The following MPP4 variants were observed in gnomAD, a reference collection of about 807,000 sequenced individuals.
MPP4 encodes MAGUK p55 subfamily member 4.
Under a neutral mutation model 98.3 loss-of-function variants are expected in MPP4, and 91 were observed. The ratio of observed to expected loss-of-function variants is 0.93; its 90% confidence interval spans 0.78 to 1.10. MPP4 has a LOEUF of 1.10. Among genes scored for constraint, MPP4 ranks in the 50% least tolerant of loss-of-function variants. The probability of loss-of-function intolerance (pLI) is 0.00; values close to 1 mark genes in which losing one functional copy is unlikely to be tolerated. For missense variants in MPP4, 744 were observed against 792.9 expected (o/e 0.94, Z 0.74); for synonymous variants, 261 against 271.8 (o/e 0.96, Z 0.39).
At chr2:201,649,878 G>C (rs1298987031) in intron 19 of MPP4, among the ~76,000 whole-genome samples, 194 bp from the exon 20 acceptor site, 1 of 152,196 alleles carries the variant, frequency 6.6e-6, no homozygotes, top group Non-Finnish European at 1.5e-5. Context: ...GTTCTCCAAG[G>C]TTTGCAGACT....
intron 11 of MPP4, 198 bp downstream of exon 11, chr2:201,675,009 A>C: frequency 1.4e-6 from 1 of 699,544 alleles, no homozygotes. Flanking sequence ...CCCACTGAAT[A>C]GCCACCACCC....
At chr2:201,664,022 G>T (rs909527041) in intron 14 of MPP4, 59 bp downstream of exon 14, 1 of 1,272,820 alleles carries the variant, frequency 7.9e-7, no homozygotes, top group East Asian at 2.6e-5. Context: ...TGTATAAATT[G>T]CATCAAAATT....
At chr2:201,654,206 C>T (rs1045210492) in intron 18 of MPP4, among the ~76,000 whole-genome samples, 2 of 152,098 alleles carry the variant, frequency 1.3e-5, no homozygotes, top group African/African-American at 4.8e-5. Flanking sequence ...GAACTCCTGA[C>T]CTCAGATGAT....
rs569685942 is a variant in MPP4 at position 201,677,294 on chromosome 2, G to A, written c.930-2023C>T. 3.3e-5 allele frequency among the ~76,000 whole-genome samples: 5 copies of A among 152,260 alleles called. No individual in the cohort carries two copies. In the East Asian group the frequency reaches 5.8e-4, roughly 18 times the overall value. ...TGTTCCCTCTGGGGGAAACTCCAGCGAATGGGGCCTCTCACTGGAAAGTCA... is the reference window on the plus strand; with the variant it reads ...TGTTCCCTCTGGGGGAAACTCCAGCAAATGGGGCCTCTCACTGGAAAGTCA... On this transcript the variant is annotated intron_variant, in intron 10 of 21. Coordinates refer to ENST00000409474, the MANE Select transcript of MPP4 (RefSeq NM_033066.3).
intron 10 of MPP4, among the ~76,000 whole-genome samples, chr2:201,677,216 T>C (rs139522442): frequency 6.6e-5 from 10 of 152,296 alleles, no homozygotes; most frequent in African/African-American, 2.4e-4. Flanking sequence ...CTTTCTCCTC[T>C]GGGAGCTCCT....
At chr2:201,670,564 A>G (rs1688314021) in intron 11 of MPP4, among the ~76,000 whole-genome samples, 2 of 152,224 alleles carry the variant, frequency 1.3e-5, no homozygotes, top group South Asian at 4.1e-4. Flanking sequence ...AGGCCACATA[A>G]GCAAATTAAA....
intron 16 of MPP4, among the ~76,000 whole-genome samples, chr2:201,657,197 T>C (rs1484767859): frequency 6.6e-6 from 1 of 151,870 alleles, no homozygotes. Flanking sequence ...GTAGAAAGAG[T>C]GGAGCAGGCT....
In MPP4 at chr2:201,664,112, T is replaced by TC. The variant is rs1688099019; in HGVS notation, c.1052-12dup. On this transcript the variant is annotated splice_polypyrimidine_tract_variant and intron_variant, in intron 13 of 21. Transcript: ENST00000409474. Reference sequence around the variant, plus strand: ...CAAATGTTTCTTCATCTATGATTTTTCATGGAGGCAAAAATCAAAAATGTT... The same window carrying TC: ...CAAATGTTTCTTCATCTATGATTTTTCCATGGAGGCAAAAATCAAAAATGTT... 6.5e-7 allele frequency: 1 copy of TC among 1,537,016 alleles called. No homozygotes were observed. The highest frequency in any genetic ancestry group is 1.2e-5 in the South Asian group (1 of 82,188).
rs1402841468 is a variant in MPP4, at chr2:201,684,822, C to T, written c.574+242G>A. 2.6e-5 allele frequency among the ~76,000 whole-genome samples: 4 copies of T among 151,640 alleles called. No individual in the cohort carries two copies. The South Asian group carries it at 6.2e-4, about 24-fold the overall frequency. On this transcript the variant is annotated intron_variant, in intron 7 of 21. Transcript: ENST00000409474. ...AAAATTAGCCGGGCGTGGTGGCGGG[C>T]GCCTGTAATCCCAGCTACTTGGGAG...
chr2:201,697,107 C>T (rs761104265), intron 1 of MPP4, among the ~76,000 whole-genome samples: 19 of 152,196 alleles, frequency 1.2e-4, no homozygotes, highest in Non-Finnish European at 2.4e-4. Context: ...TGTTCTCTCT[C>T]TCCCTGCCAG....
chr2:201,656,901 A>G (rs2349729), intron 16 of MPP4, among the ~76,000 whole-genome samples: 64,851 of 152,026 alleles, frequency 0.43, 14,358 homozygotes, highest in Non-Finnish European at 0.49. Flanking sequence ...GGAGCATTTG[A>G]GGAACAGCAA....
intron 18 of MPP4, among the ~76,000 whole-genome samples, chr2:201,653,989 T>G (rs1687786913): frequency 6.6e-6 from 1 of 152,120 alleles, no homozygotes; most frequent in Admixed American, 6.5e-5. Flanking sequence ...CACTTTTTTT[T>G]TTTTCGAGTC....
rs775879802 is a variant in MPP4, at chr2:201,656,349, C to A, written c.1149G>T (p.Met383Ile). ...GGTGAGACTTCCTGCGACAAAGGCG[C>A]ATGCTGCGGCGGAAGCCAGCTAGGG... ...KFFIAGFRRS[M>I]RLCRRKSHLS... Residue 383 changes from methionine to isoleucine, a missense_variant, in exon 17 of 22, where the codon ATG (methionine) becomes ATT (isoleucine). By Grantham distance (10) the Met-to-Ile change is conservative (BLOSUM62 1). Transcript: ENST00000409474. 1.2e-5 allele frequency: 18 copies of A among 1,552,258 alleles called. No homozygotes were observed. The highest frequency in any genetic ancestry group is 1.6e-5 in the Non-Finnish European group (18 of 1,147,354).
In MPP4 at chr2:201,660,341, G is replaced by C. The variant is rs763755987; in HGVS notation, c.1078C>G (p.Leu360Val). Residue 360 changes from leucine (L) to valine (V), a missense_variant, in exon 15 of 22, where the codon CTT becomes GTT. Physicochemically the swap from Leu to Val is conservative, Grantham distance 32. Transcript: ENST00000409474. ...ADEETFESEE[L>V]SEDKEEFVGY... The stretch of plus-strand genomic sequence containing the variant: ...AAATAAAAACAATTACCTTCTGAAA[G>C]TTCCTCTGGATATTTGGGTAAGTGC... 9 of 1,613,084 alleles carry C rather than the reference G, an allele frequency of 5.6e-6. No individual in the cohort carries two copies. The African/African-American group carries it at 1.2e-4, about 22-fold the overall frequency.
intron 17 of MPP4, among the ~76,000 whole-genome samples, chr2:201,655,380 G>C (rs1390915644): frequency 6.6e-6 from 1 of 152,224 alleles, no homozygotes. Context: ...CGGAGGCAGG[G>C]CCGACTTCAT....
chr2:201,692,838 G>T (rs911824321), intron 3 of MPP4, 70 bp downstream of exon 3: 22 of 1,562,680 alleles, frequency 1.4e-5, no homozygotes, highest in Middle Eastern at 1.7e-4. Flanking sequence ...ATGGACTGAA[G>T]CTGTCATTTT....
chr2:201,682,255 T>C (rs1333607821), intron 8 of MPP4, among the ~76,000 whole-genome samples: 3 of 152,210 alleles, frequency 2.0e-5, no homozygotes, highest in African/African-American at 7.2e-5. Flanking sequence ...GCACATTCTA[T>C]ACCACACAGA....
chr2:201,660,113 A>C (rs899068130), intron 15 of MPP4, among the ~76,000 whole-genome samples: 1 of 152,134 alleles, frequency 6.6e-6, no homozygotes, highest in African/African-American at 2.4e-5. Flanking sequence ...TTAATCATTG[A>C]TTTCACCCAC....
intron 11 of MPP4, among the ~76,000 whole-genome samples, chr2:201,673,281 A>C (rs748727331): frequency 2.0e-5 from 3 of 152,206 alleles, no homozygotes; most frequent in Non-Finnish European, 4.4e-5. Context: ...GGAATGGATG[A>C]AGCTGGAAAC....
Sources: gnomAD v4.1 joint callset for allele counts (sites outside exome capture counted in the v4.1 genomes callset) on GRCh38, gnomAD v4.1.1 for gene constraint, MANE v1.5 for transcripts, NCBI Gene and HGNC (gene_info 2026-07-23, HGNC 2026-07-21) for gene names.